Variants in CCDC169 observed in about 807,000 individuals in gnomAD.
The protein encoded by CCDC169 is coiled-coil domain-containing protein 169.
In CCDC169, 30 loss-of-function variants were observed where a neutral mutation model predicts 36.0. The ratio of observed to expected loss-of-function variants is 0.83; its 90% CI spans 0.62 to 1.13. The LOEUF (loss-of-function observed/expected upper bound fraction) is 1.13. Among genes scored for constraint, CCDC169 ranks in the 50% most tolerant of loss-of-function variants. CCDC169 has a pLI of 0.00. For synonymous variants in CCDC169, 85 were observed against 81.5 expected (o/e 1.04, Z -0.23); for missense variants, 245 against 245.9 (o/e 1.00, Z 0.03).
At chr13:36,233,720 T>C (rs1281646715) in intron 7 of CCDC169, among the ~76,000 whole-genome samples, 2 of 152,166 alleles carry the variant, frequency 1.3e-5, no homozygotes, top group Non-Finnish European at 2.9e-5. Context: ...CAAGAGTCAA[T>C]GAAGTTAAAG....
chr13:36,235,771 C>T (rs1366368434), intron 7 of CCDC169, among the ~76,000 whole-genome samples: 1 of 151,838 alleles, frequency 6.6e-6, no homozygotes, highest in Non-Finnish European at 1.5e-5. Flanking sequence ...CAGACACATA[C>T]ATGCATTTAT....
At chr13:36,262,523 A>G (rs918474086) in intron 4 of CCDC169, among the ~76,000 whole-genome samples, 3 of 152,190 alleles carry the variant, frequency 2.0e-5, no homozygotes, top group African/African-American at 4.8e-5. Context: ...TTTGAACTAT[A>G]CCTAGGAATT....
chr13:36,285,277 G>A (rs1310239071), intron 2 of CCDC169, among the ~76,000 whole-genome samples: 5 of 152,178 alleles, frequency 3.3e-5, no homozygotes, highest in East Asian at 1.9e-4. Context: ...AGCCAGGCAC[G>A]GTGGCTCACA....
intron 4 of CCDC169, among the ~76,000 whole-genome samples, chr13:36,262,984 G>C (rs1195464769): frequency 6.6e-6 from 1 of 152,160 alleles, no homozygotes; most frequent in Admixed American, 6.5e-5. Flanking sequence ...TTCTGTCCTA[G>C]AAGAAGCCAA....
chr13:36,241,185 A>T (rs1871778540), intron 7 of CCDC169, among the ~76,000 whole-genome samples: 1 of 152,146 alleles, frequency 6.6e-6, no homozygotes, highest in Non-Finnish European at 1.5e-5. Flanking sequence ...GTTAGGAAAA[A>T]TGGGTAAGTC....
chr13:36,256,338 T>G (rs143115252), intron 4 of CCDC169, among the ~76,000 whole-genome samples: 89 of 152,318 alleles, frequency 5.8e-4, no homozygotes, highest in African/African-American at 2.0e-3. Flanking sequence ...CTCATGGTTC[T>G]GCATGGCTGG....
intron 2 of CCDC169, among the ~76,000 whole-genome samples, chr13:36,294,770 G>T (rs910168680): frequency 2.0e-5 from 3 of 152,076 alleles, no homozygotes; most frequent in African/African-American, 4.8e-5. Flanking sequence ...GAGCAAGCAG[G>T]GGGTACGTGA....
downstream of CCDC169, among the ~76,000 whole-genome samples, chr13:36,228,702 C>T (rs181663833): frequency 1.3e-3 from 197 of 152,234 alleles, no homozygotes; most frequent in Non-Finnish European, 2.1e-3. Flanking sequence ...AGGCACGTGT[C>T]ACCACAACTG....
chr13:36,240,140 C>T (rs1871606957), intron 7 of CCDC169, among the ~76,000 whole-genome samples: 1 of 151,932 alleles, frequency 6.6e-6, no homozygotes, highest in Non-Finnish European at 1.5e-5. Context: ...TACTGTACCA[C>T]CTTGCTTCTC....
At chr13:36,296,185 G>A (rs867730640) in intron 1 of CCDC169, among the ~76,000 whole-genome samples, 2 of 152,236 alleles carry the variant, frequency 1.3e-5, no homozygotes, top group Non-Finnish European at 2.9e-5. Context: ...TCCGCCTCCC[G>A]GGTTCAAGCA....
chr13:36,236,081 G>C (rs2138397309), intron 7 of CCDC169, among the ~76,000 whole-genome samples: 1 of 152,032 alleles, frequency 6.6e-6, no homozygotes, highest in South Asian at 2.1e-4. Context: ...ACTACCCAAA[G>C]TGATCTACAG....
chr13:36,225,214 T>TC (rs1869807482), downstream of CCDC169: 1 of 151,778 alleles, frequency 6.6e-6, no homozygotes, highest in African/African-American at 2.4e-5. Context: ...AAACACTTTT[T>TC]TTTTTTTTGA....
intron 2 of CCDC169, among the ~76,000 whole-genome samples, chr13:36,293,091 T>G (rs1399633575): frequency 6.9e-6 from 1 of 144,552 alleles, no homozygotes; most frequent in Non-Finnish European, 1.5e-5. Context: ...AGTGGAGAGG[T>G]GGTAGAGGTT....
At chr13:36,270,914 A>C (rs1594059306) in intron 4 of CCDC169, among the ~76,000 whole-genome samples, 1 of 152,316 alleles carries the variant, frequency 6.6e-6, no homozygotes, top group Middle Eastern at 3.4e-3. Flanking sequence ...AAACAAAAAT[A>C]AATACATAAG....
chr13:36,278,913 T>C (rs147752223), intron 4 of CCDC169, among the ~76,000 whole-genome samples: 1,524 of 152,332 alleles, frequency 0.01, 28 homozygotes, highest in African/African-American at 0.035. Flanking sequence ...TACCATTTCC[T>C]AACATCCTAA....
At chr13:36,240,671 T>A (rs1283837271) in intron 7 of CCDC169, 1 of 1,243,334 alleles carries the variant, frequency 8.0e-7, no homozygotes, top group Non-Finnish European at 1.0e-6. Context: ...TTAAAACTGT[T>A]CATAAGCAGA....
At chr13:36,276,263 T>C (rs1423990544) in intron 4 of CCDC169, among the ~76,000 whole-genome samples, 1 of 152,224 alleles carries the variant, frequency 6.6e-6, no homozygotes, top group Non-Finnish European at 1.5e-5. Flanking sequence ...TATACTCTTT[T>C]TCTAAGAATA....
chr13:36,254,044 C>T lies in CCDC169; in HGVS notation c.414+1G>A. 1.9e-6 allele frequency: 3 copies of T among 1,543,322 alleles called. No homozygotes were observed. The highest frequency in any genetic ancestry group is 8.7e-7 in the Non-Finnish European group (1 of 1,144,750). ...TTGCTAAGTATAGAGTAAAAACAAACCTTTGATTCTTGTTCCAGTTTAAGT... is the reference window on the plus strand; with the variant it reads ...TTGCTAAGTATAGAGTAAAAACAAATCTTTGATTCTTGTTCCAGTTTAAGT... On this transcript the variant is annotated splice_donor_variant, in intron 5 of 7. Coordinates refer to ENST00000239859, the MANE Select transcript of CCDC169 (RefSeq NM_001144981.3). LOFTEE classifies it high-confidence loss of function.
rs555621560 is a variant in CCDC169, at chr13:36,240,689, G to A, written c.545+7917C>T. ...AAACTGTTCATAAGCAGAAAAAAAT[G>A]AGGTTTCACACTAAAGAAAAAAATA... On this transcript the variant is annotated intron_variant, in intron 7 of 7. Coordinates refer to ENST00000239859, the MANE Select transcript of CCDC169 (RefSeq NM_001144981.3). The A allele has an allele frequency of 7.6e-4, 838 of 1,099,274 alleles. 1 individual carries two copies. The highest frequency in any genetic ancestry group is 9.7e-4 in the Non-Finnish European group (799 of 826,692). 68.1% of individuals were successfully genotyped at this position (1,099,274 alleles called of 1,614,324 possible).
Sources: gnomAD v4.1 joint callset for allele counts (sites outside exome capture counted in the v4.1 genomes callset) on GRCh38, gnomAD v4.1.1 for gene constraint, MANE v1.5 for transcripts, NCBI Gene and HGNC (gene_info 2026-07-23, HGNC 2026-07-21) for gene names.